Variants in FGF14 observed in about 807,000 individuals in gnomAD.
FGF14 encodes fibroblast growth factor 14, also known as fibroblast growth factor homologous factor 4.
FGF14 carries 5 observed loss-of-function variants against 25.5 expected under a neutral mutation model. The observed-to-expected ratio is 0.20, with a 90% CI of 0.10 to 0.41. The LOEUF (loss-of-function observed/expected upper bound fraction) is 0.41, where lower values mean the gene tolerates loss of function less well. FGF14 is among the 10% of genes least tolerant of loss of function. FGF14 has a pLI of 1.00. For synonymous variants in FGF14, 138 were observed against 118.3 expected (o/e 1.17, Z -1.08); for missense variants, 222 against 320.1 (o/e 0.69, Z 2.34).
In FGF14 at chr13:101,877,808, G is replaced by A. The variant is rs769609389; in HGVS notation, c.194-2512C>T. Among the ~76,000 whole-genome samples, 3 of 152,028 alleles carry A rather than the reference G, an allele frequency of 2.0e-5. 1 individual carries two copies. Among genetic ancestry groups the A allele is most frequent in the African/African-American group, 4.8e-5 (2 of 41,376 alleles). ...CTCAGATCCATCTCACTTTTCCATT[G>A]GCCACATTTCCAATACATCTCTGCC... On this transcript the variant is annotated intron_variant, in intron 1 of 4. Coordinates refer to ENST00000376143, the MANE Select transcript of FGF14 (RefSeq NM_004115.4).
At chr13:101,858,771 T>G (rs2044256463) in intron 3 of FGF14, among the ~76,000 whole-genome samples, 1 of 152,110 alleles carries the variant, frequency 6.6e-6, no homozygotes, top group African/African-American at 2.4e-5. Context: ...AAAACCAAAG[T>G]ATTTTGTGTC....
chr13:101,949,224 A>C (rs574012236), intron 1 of FGF14, among the ~76,000 whole-genome samples: 1 of 152,334 alleles, frequency 6.6e-6, no homozygotes, highest in East Asian at 1.9e-4. Flanking sequence ...ACCAAAATCG[A>C]AAAGGTGGCC....
rs892945468 is a variant in FGF14, at chr13:102,279,618, A to G, written c.208+121853T>C. On this transcript the variant is annotated intron_variant, in intron 1 of 4. Transcript: ENST00000376131. The stretch of plus-strand genomic sequence containing the variant: ...CCAGGCACCGTTCTAAGCACTTTCC[A>G]TATATTTGCACATAGTACAAAATAA... Among the ~76,000 whole-genome samples the G allele has an allele frequency of 4.6e-5, 7 of 152,292 alleles. 1 individual carries two copies. The highest frequency in any genetic ancestry group is 7.2e-5 in the African/African-American group (3 of 41,570).
intron 1 of FGF14, among the ~76,000 whole-genome samples, chr13:102,381,434 T>G (rs933257145): frequency 6.6e-6 from 1 of 152,198 alleles, no homozygotes; most frequent in East Asian, 1.9e-4. Flanking sequence ...TCACGGAAGA[T>G]TGTTCTTCCC....
In FGF14 at chr13:102,243,655, G is replaced by GTTTTT. The variant is rs3066872; in HGVS notation, c.208+157811_208+157815dup. Among the ~76,000 whole-genome samples, 77 of 142,186 alleles carry GTTTTT rather than the reference G, an allele frequency of 5.4e-4. 1 individual carries two copies. Among genetic ancestry groups the GTTTTT allele is most frequent in the East Asian group, 4.8e-3 (23 of 4,826 alleles). 93.3% of individuals were successfully genotyped at this position (142,186 alleles called of 152,430 possible). On this transcript the variant is annotated intron_variant, in intron 1 of 4. Coordinates refer to the FGF14 transcript ENST00000376131. ...TTAAGAGCTGTGTGACTTTGGGCAT[G>GTTTTT]TTTTTTTTTTTTTTTTACATTTCTC...
chr13:101,771,706 T>C (rs1460294772), intron 3 of FGF14, among the ~76,000 whole-genome samples: 1 of 152,138 alleles, frequency 6.6e-6, no homozygotes. Context: ...CATTTTTAGG[T>C]AAAACTTTCC....
At chr13:101,725,683 C>G (rs574346707) in intron 4 of FGF14, among the ~76,000 whole-genome samples, 1 of 151,936 alleles carries the variant, frequency 6.6e-6, no homozygotes, top group Non-Finnish European at 1.5e-5. Context: ...GAATAAAACA[C>G]AAAAAGAAAA....
At chr13:101,980,322 A>T (rs1422814673) in intron 1 of FGF14, among the ~76,000 whole-genome samples, 1 of 146,672 alleles carries the variant, frequency 6.8e-6, no homozygotes, top group Non-Finnish European at 1.5e-5. Flanking sequence ...GTTTTATAAT[A>T]TTATTTATTA....
intron 1 of FGF14, among the ~76,000 whole-genome samples, chr13:102,158,368 C>T (rs1016606007): frequency 6.2e-4 from 95 of 152,076 alleles, no homozygotes; most frequent in Non-Finnish European, 1.0e-3. Flanking sequence ...ACGTCCTTTG[C>T]AGGGACATGG....
At chr13:102,037,587 G>T (rs1390521601) in intron 1 of FGF14, among the ~76,000 whole-genome samples, 1 of 152,086 alleles carries the variant, frequency 6.6e-6, no homozygotes, top group African/African-American at 2.4e-5. Context: ...ATAAGGGAAT[G>T]GGGGAAAGAT....
At chr13:102,015,537 T>C (rs1474895835) in intron 1 of FGF14, among the ~76,000 whole-genome samples, 1 of 152,184 alleles carries the variant, frequency 6.6e-6, no homozygotes, top group Non-Finnish European at 1.5e-5. Context: ...TAAATTCTTT[T>C]CAAGAAAATT....
At chr13:101,885,518 C>T (rs1484576634) in intron 1 of FGF14, among the ~76,000 whole-genome samples, 1 of 152,096 alleles carries the variant, frequency 6.6e-6, no homozygotes, top group Non-Finnish European at 1.5e-5. Flanking sequence ...AAAGAAAATG[C>T]TGGGAAAGGC....
chr13:101,864,636 T>C (rs2044598468), intron 3 of FGF14, among the ~76,000 whole-genome samples: 1 of 152,110 alleles, frequency 6.6e-6, no homozygotes. Flanking sequence ...CTGGTTTATT[T>C]TTAAAATCAA....
intron 3 of FGF14, among the ~76,000 whole-genome samples, chr13:101,762,454 C>T (rs1373953884): frequency 6.6e-6 from 1 of 152,148 alleles, no homozygotes; most frequent in Non-Finnish European, 1.5e-5. Context: ...GTAAATCAAG[C>T]AAAGGCATAA....
intron 1 of FGF14, among the ~76,000 whole-genome samples, chr13:102,235,276 C>T (rs577592600): frequency 6.6e-6 from 1 of 152,208 alleles, no homozygotes; most frequent in South Asian, 2.1e-4. Flanking sequence ...ATTAAAATTC[C>T]AGTGTGTCAT....
chr13:101,942,357 G>T (rs923683991), intron 1 of FGF14, among the ~76,000 whole-genome samples: 3 of 151,740 alleles, frequency 2.0e-5, no homozygotes, highest in Non-Finnish European at 4.4e-5. Context: ...AACTATTCTG[G>T]AAAAACAACA....
At chr13:102,271,090 G>GT (rs146735039) in intron 1 of FGF14, among the ~76,000 whole-genome samples, 35 of 152,224 alleles carry the variant, frequency 2.3e-4, no homozygotes, top group African/African-American at 8.2e-4. Context: ...GATATTATTA[G>GT]TTTCATCTTG....
chr13:102,003,303 G>C (rs1362337471), intron 1 of FGF14: 1 of 152,168 alleles, frequency 6.6e-6, no homozygotes, highest in Non-Finnish European at 1.5e-5. Flanking sequence ...TGAATAAAGA[G>C]AGCCATGGGA....
intron 1 of FGF14, among the ~76,000 whole-genome samples, chr13:102,077,288 A>C (rs545757962): frequency 1.3e-5 from 2 of 152,318 alleles, no homozygotes; most frequent in South Asian, 4.1e-4. Context: ...AAACAAAAGA[A>C]GACAAATGGG....
Sources: gnomAD v4.1 joint callset for allele counts (sites outside exome capture counted in the v4.1 genomes callset) on GRCh38, gnomAD v4.1.1 for gene constraint, MANE v1.5 for transcripts, NCBI Gene and HGNC (gene_info 2026-07-23, HGNC 2026-07-21) for gene names.